Variants in BLTP3B observed in about 807,000 individuals in gnomAD.
The protein encoded by BLTP3B is bridge-like lipid transfer protein family member 3B.
chr12:100,099,446 G>T, the BLTP3B span, among the ~76,000 whole-genome samples: 1 of 151,598 alleles, frequency 6.6e-6, no homozygotes, highest in Non-Finnish European at 1.5e-5. Flanking sequence ...GGGCAATATA[G>T]CAAGATCCCT....
At chr12:100,058,918 G>T in the BLTP3B span, 2 of 1,613,796 alleles carry the variant, frequency 1.2e-6, no homozygotes, top group East Asian at 2.2e-5. Flanking sequence ...GATGAAGAAG[G>T]CTTCTGACCA....
At chr12:100,130,343 T>C in the BLTP3B span, among the ~76,000 whole-genome samples, 1 of 152,232 alleles carries the variant, frequency 6.6e-6, no homozygotes, top group Non-Finnish European at 1.5e-5. Context: ...GCATAGCGTT[T>C]TGCTTGTGAC....
the BLTP3B span, chr12:100,047,655 T>G: frequency 6.6e-7 from 1 of 1,520,810 alleles, no homozygotes; most frequent in East Asian, 2.3e-5. Context: ...GAAAGAAAAA[T>G]AACATTGACA....
the BLTP3B span, among the ~76,000 whole-genome samples, chr12:100,117,337 T>C: frequency 6.6e-6 from 1 of 152,182 alleles, no homozygotes; most frequent in Non-Finnish European, 1.5e-5. Context: ...TATGTACCCC[T>C]GATTTGACAT....
the BLTP3B span, chr12:100,047,552 G>A: frequency 1.7e-5 from 28 of 1,611,320 alleles, no homozygotes; most frequent in East Asian, 1.6e-4. Flanking sequence ...AAGAGCCATC[G>A]TCACTTCTCT....
At chr12:100,130,949 C>CATACATACATACATACATAT in the BLTP3B span, among the ~76,000 whole-genome samples, 7 of 97,566 alleles carry the variant, frequency 7.2e-5, no homozygotes, top group African/African-American at 2.4e-4. Context: ...TACATACATA[C>CATACATACATACATACATAT]ATATATATAT....
the BLTP3B span, chr12:100,039,568 G>C: frequency 6.3e-7 from 1 of 1,576,500 alleles, no homozygotes; most frequent in African/African-American, 1.4e-5. Context: ...AATTGCTGAA[G>C]CTGAATCTGA....
chr12:100,133,524 G>A, the BLTP3B span, among the ~76,000 whole-genome samples: 1 of 152,204 alleles, frequency 6.6e-6, no homozygotes, highest in Non-Finnish European at 1.5e-5. Context: ...TGGGGTGGGG[G>A]CGAGTAGGAA....
At chr12:100,108,211 C>T in the BLTP3B span, among the ~76,000 whole-genome samples, 1 of 152,088 alleles carries the variant, frequency 6.6e-6, no homozygotes, top group African/African-American at 2.4e-5. Flanking sequence ...TAATATATGC[C>T]TTTACACATA....
chr12:100,141,210 G>A, the BLTP3B span, among the ~76,000 whole-genome samples: 2 of 151,864 alleles, frequency 1.3e-5, no homozygotes, highest in African/African-American at 2.4e-5. Flanking sequence ...CATGCAGGGC[G>A]TGGGGGCTCA....
chr12:100,038,485 G>A, the BLTP3B span, among the ~76,000 whole-genome samples: 1 of 152,056 alleles, frequency 6.6e-6, no homozygotes, highest in Non-Finnish European at 1.5e-5. Context: ...ACAAGCATGC[G>A]CCACCATGCC....
At chr12:100,124,973 T>TATATAC in the BLTP3B span, among the ~76,000 whole-genome samples, 1 of 104,976 alleles carries the variant, frequency 9.5e-6, no homozygotes, top group Non-Finnish European at 1.7e-5. Context: ...TATATATATA[T>TATATAC]ATATATTTAT....
the BLTP3B span, among the ~76,000 whole-genome samples, chr12:100,075,928 G>C: frequency 6.6e-6 from 1 of 152,072 alleles, no homozygotes; most frequent in Non-Finnish European, 1.5e-5. Context: ...ACAAAAAAGG[G>C]AACAACAGAC....
At chr12:100,062,953 GTC>G in the BLTP3B span, among the ~76,000 whole-genome samples, 2 of 150,196 alleles carry the variant, frequency 1.3e-5, no homozygotes, top group Non-Finnish European at 3.0e-5. Context: ...GAGTGAGGCT[GTC>G]TCAAAAAAAA....
At chr12:100,050,852 A>G in the BLTP3B span, among the ~76,000 whole-genome samples, 46 of 152,196 alleles carry the variant, frequency 3.0e-4, no homozygotes, top group African/African-American at 1.1e-3. Context: ...AATACAGAAA[A>G]AAGAAAGAGC....
At chr12:100,076,794 C>T in the BLTP3B span, among the ~76,000 whole-genome samples, 1 of 152,202 alleles carries the variant, frequency 6.6e-6, no homozygotes, top group Non-Finnish European at 1.5e-5. Context: ...TATATGGAAA[C>T]AAATTCTTTT....
the BLTP3B span, chr12:100,098,577 C>T: frequency 6.4e-7 from 1 of 1,571,266 alleles, no homozygotes; most frequent in Non-Finnish European, 8.6e-7. Flanking sequence ...ACACTAATGA[C>T]AAAACTAATT....
chr12:100,068,370 T>A, the BLTP3B span, among the ~76,000 whole-genome samples: 2 of 152,196 alleles, frequency 1.3e-5, no homozygotes, highest in Non-Finnish European at 1.5e-5. Flanking sequence ...AGGACTTAAA[T>A]CTAAGCCCTG....
the BLTP3B span, among the ~76,000 whole-genome samples, chr12:100,055,107 G>C: frequency 2.0e-5 from 3 of 152,060 alleles, no homozygotes; most frequent in African/African-American, 4.8e-5. Flanking sequence ...CTAGTAGAGA[G>C]ATTTTTCTCT....
Sources: gnomAD v4.1 joint callset for allele counts (sites outside exome capture counted in the v4.1 genomes callset) on GRCh38, gnomAD v4.1.1 for gene constraint, MANE v1.5 for transcripts, NCBI Gene and HGNC (gene_info 2026-07-23, HGNC 2026-07-21) for gene names.